ABCC1: variants seen among roughly 807,000 people sequenced by gnomAD.
ABCC1 encodes the protein ATP binding cassette subfamily C member 1 (ABCC1 blood group).
ABCC1 carries 83 observed loss-of-function variants against 172.9 expected under a neutral mutation model. That is an observed-to-expected ratio of 0.48 (90% CI 0.40 to 0.58). The LOEUF (loss-of-function observed/expected upper bound fraction) is 0.58. ABCC1 is among the 20% of genes least tolerant of loss of function. The pLI is 0.00. For missense variants in ABCC1, 1,817 were observed against 2,002.7 expected, an observed-to-expected ratio of 0.91 and a Z score of 1.77; for synonymous variants, 937 against 825.2, an observed-to-expected ratio of 1.14 and a Z score of -2.32.
At chr16:16,052,275 C>T (rs1369668710) in intron 10 of ABCC1, among the ~76,000 whole-genome samples, 1 of 152,006 alleles carries the variant, frequency 6.6e-6, no homozygotes, top group Non-Finnish European at 1.5e-5. Flanking sequence ...TTGGGAGGAT[C>T]GCTGGAGCCC....
At chr16:16,135,250 TG>T (rs2045875906) in intron 28 of ABCC1, among the ~76,000 whole-genome samples, 1 of 152,286 alleles carries the variant, frequency 6.6e-6, no homozygotes, top group African/African-American at 2.4e-5. Context: ...TCGGCTTCTA[TG>T]GATCTCATCA....
intron 17 of ABCC1, among the ~76,000 whole-genome samples, chr16:16,084,156 G>A (rs551150315): frequency 3.2e-4 from 48 of 152,226 alleles, no homozygotes; most frequent in African/African-American, 1.1e-3. Context: ...AGGCTGGAGT[G>A]CAGTGGCACG....
intron 5 of ABCC1, among the ~76,000 whole-genome samples, chr16:16,029,454 C>T (rs1248732834): frequency 6.6e-6 from 1 of 152,130 alleles, no homozygotes; most frequent in East Asian, 1.9e-4. Flanking sequence ...AACTCCTGAA[C>T]TCAAAGCAGT....
intron 4 of ABCC1, among the ~76,000 whole-genome samples, chr16:16,015,694 G>A (rs1044692174): frequency 3.9e-5 from 6 of 152,246 alleles, no homozygotes; most frequent in Middle Eastern, 3.4e-3. Context: ...AGCACTAATC[G>A]ACATTTTGGA....
chr16:16,044,398 G>A (rs957650516), intron 7 of ABCC1, 52 bp from the exon 8 acceptor site: 15 of 1,494,864 alleles, frequency 1.0e-5, no homozygotes, highest in Admixed American at 1.7e-5. Flanking sequence ...CCTGTGGTAG[G>A]GGGCTGCATC....
At chr16:16,057,199 G>T (rs77537575) in intron 12 of ABCC1, among the ~76,000 whole-genome samples, 1 of 87,076 alleles carries the variant, frequency 1.1e-5, no homozygotes. Flanking sequence ...AAAAAAAAAA[G>T]AAAGAAAAAA....
intron 11 of ABCC1, among the ~76,000 whole-genome samples, chr16:16,053,141 G>C (rs2049502566): frequency 6.6e-6 from 1 of 152,194 alleles, no homozygotes; most frequent in South Asian, 2.1e-4. Context: ...GAGCCTCTGA[G>C]AAAGTCCTTG....
At chr16:16,136,678 G>A in intron 29 of ABCC1, 34 bp downstream of exon 29, 1 of 1,610,376 alleles carries the variant, frequency 6.2e-7, no homozygotes, top group African/African-American at 1.3e-5. Flanking sequence ...CACCGGGTAA[G>A]GTGTCCTAGG....
chr16:15,963,490 C>T (rs988806844), intron 1 of ABCC1, among the ~76,000 whole-genome samples: 2 of 152,220 alleles, frequency 1.3e-5, no homozygotes, highest in Non-Finnish European at 2.9e-5. Context: ...TCCATAAAGG[C>T]TCCACCCCTG....
At chr16:16,096,765 T>C (rs2051497804) in intron 19 of ABCC1, among the ~76,000 whole-genome samples, 1 of 152,182 alleles carries the variant, frequency 6.6e-6, no homozygotes, top group Admixed American at 6.5e-5. Flanking sequence ...GTGAGAGGAC[T>C]GGCAACGGAA....
Position 16,141,371 on chromosome 16 carries a change from C to A in ABCC1, c.*90C>A. ...AGTACCCCTGGTAAACCAAGCCTCC[C>A]ACACTGAAACCAAAACATAAAAACC... On this transcript the variant is annotated 3_prime_UTR_variant, in exon 31 of 31. Transcript: ENST00000399410. 8.3e-7 allele frequency: 1 copy of A among 1,212,056 alleles called. No individual in the cohort carries two copies. The allele number at this position is 1,212,056 out of a possible 1,614,324, so 75.1% of individuals were successfully genotyped here.
chr16:16,086,749 C>A, intron 17 of ABCC1, 75 bp from the exon 18 acceptor site: 1 of 1,548,620 alleles, frequency 6.5e-7, no homozygotes, highest in African/African-American at 1.4e-5. Context: ...GATCACACCA[C>A]ACTCGGCCTG....
chr16:16,121,057 G>T (rs1201503638), intron 23 of ABCC1, among the ~76,000 whole-genome samples: 1 of 152,060 alleles, frequency 6.6e-6, no homozygotes, highest in East Asian at 1.9e-4. Flanking sequence ...GTATTACCAG[G>T]CACTGTGCTT....
chr16:16,097,428 T>C (rs5016527), intron 19 of ABCC1, among the ~76,000 whole-genome samples: 73,066 of 152,054 alleles, frequency 0.48, 18,504 homozygotes, highest in Non-Finnish European at 0.56. Flanking sequence ...GAGGGCTTTT[T>C]GGTTGTCTCT....
chr16:15,977,605 T>C (rs939926088), intron 1 of ABCC1, among the ~76,000 whole-genome samples: 3 of 152,122 alleles, frequency 2.0e-5, no homozygotes, highest in African/African-American at 7.2e-5. Context: ...CCTGTCTCCA[T>C]GTTGGCAAAT....
chr16:16,113,784 C>CA (rs760988325), intron 22 of ABCC1, among the ~76,000 whole-genome samples: 85 of 152,326 alleles, frequency 5.6e-4, no homozygotes, highest in Middle Eastern at 3.4e-3. Flanking sequence ...TTTTTGGCAC[C>CA]AGGGACTGGT....
chr16:16,122,133 C>A lies in ABCC1; in HGVS notation c.3549C>A (p.Asp1183Glu). The change falls in exon 24 of 31, where the codon GAC becomes GAA. Residue 1183 changes from aspartate (D) to glutamate (E), a missense_variant. Physicochemically the swap from Asp to Glu is conservative, Grantham distance 45. Transcript: ENST00000399410. Reference sequence around the variant, plus strand: ...TCCACCAGAGTGACCTGAAGGTGGACGAGAACCAGAAGGCCTATTACCCCA... The same window carrying A: ...TCCACCAGAGTGACCTGAAGGTGGAAGAGAACCAGAAGGCCTATTACCCCA... ...RFIHQSDLKV[D>E]ENQKAYYPSI... The A allele has an allele frequency of 6.2e-7, 1 of 1,614,162 alleles. No homozygotes were observed. Among genetic ancestry groups the A allele is most frequent in the South Asian group, 1.1e-5 (1 of 91,084 alleles).
chr16:16,112,778 C>T (rs1201649775), intron 22 of ABCC1, among the ~76,000 whole-genome samples: 1 of 152,230 alleles, frequency 6.6e-6, no homozygotes. Context: ...ATAGTCTTGA[C>T]ACATTTGAGT....
chr16:15,962,023 G>T (rs1163205998), intron 1 of ABCC1, among the ~76,000 whole-genome samples: 1 of 152,096 alleles, frequency 6.6e-6, no homozygotes, highest in African/African-American at 2.4e-5. Context: ...TAATTGTCAG[G>T]TTACTGCAGC....
Sources: allele counts gnomAD v4.1 joint callset (sites outside exome capture counted in the v4.1 genomes callset), GRCh38; gene constraint gnomAD v4.1.1; transcripts MANE v1.5; gene names NCBI Gene and HGNC (gene_info 2026-07-23, HGNC 2026-07-21).